The following CHRM5 variants were observed in gnomAD, a reference collection of about 807,000 sequenced individuals.
The protein encoded by CHRM5 is muscarinic acetylcholine receptor M5.
In CHRM5, 18 loss-of-function variants were observed where a neutral mutation model predicts 39.0. The ratio of observed to expected loss-of-function variants is 0.46; its 90% CI spans 0.32 to 0.68. The LOEUF (loss-of-function observed/expected upper bound fraction) is 0.68. Ranked by LOEUF, CHRM5 falls within the 30% of genes least tolerant of loss-of-function variation. The probability of loss-of-function intolerance (pLI) is 0.04; values close to 1 mark genes in which losing one functional copy is unlikely to be tolerated. For synonymous variants in CHRM5, 241 were observed against 246.3 expected, an observed-to-expected ratio of 0.98 and a Z score of 0.20; for missense variants, 515 against 651.1, an observed-to-expected ratio of 0.79 and a Z score of 2.28.
chr15:33,982,594 T>G (rs1026318336), intron 1 of CHRM5, among the ~76,000 whole-genome samples: 2 of 152,176 alleles, frequency 1.3e-5, no homozygotes, highest in African/African-American at 4.8e-5. Flanking sequence ...TTTACAATTT[T>G]TTTTAAATGC....
chr15:34,054,415 CAT>C (rs1900052034), intron 2 of CHRM5, among the ~76,000 whole-genome samples: 1 of 152,074 alleles, frequency 6.6e-6, no homozygotes, highest in African/African-American at 2.4e-5. Flanking sequence ...ATAGCAAAGA[CAT>C]AGAATCAATC....
chr15:33,973,849 T>C (rs1895754036), intron 1 of CHRM5, among the ~76,000 whole-genome samples: 2 of 152,200 alleles, frequency 1.3e-5, no homozygotes, highest in African/African-American at 2.4e-5. Context: ...GTTAAATGAA[T>C]GTGAAAATGT....
chr15:33,983,666 A>T (rs922846505), intron 1 of CHRM5, among the ~76,000 whole-genome samples: 20 of 152,118 alleles, frequency 1.3e-4, no homozygotes, highest in African/African-American at 4.8e-4. Flanking sequence ...CCATGGATGA[A>T]GCTTACTCGC....
In CHRM5 at chr15:34,014,727, A is replaced by G. The variant is rs1323325171; in HGVS notation, c.-407-31813A>G. Among the ~76,000 whole-genome samples the G allele has an allele frequency of 2.6e-4, 40 of 152,154 alleles. 1 individual carries two copies. Among genetic ancestry groups the G allele is most frequent in the Admixed American group, 2.2e-3 (34 of 15,284 alleles). On this transcript the variant is annotated intron_variant, in intron 1 of 2. Transcript: ENST00000383263. ...GCGGGCCCATCTGGGAACAGCGGCT[A>G]AATATGTTGGGTCTACTCCAACAGC... is the stretch of plus-strand genomic sequence containing the variant.
At chr15:33,988,592 G>A (rs556767332) in intron 1 of CHRM5, among the ~76,000 whole-genome samples, 4 of 152,292 alleles carry the variant, frequency 2.6e-5, no homozygotes, top group African/African-American at 9.6e-5. Context: ...ACCTGTGGTT[G>A]CAGGGTCACT....
chr15:33,995,337 A>G (rs1370582812), intron 1 of CHRM5, among the ~76,000 whole-genome samples: 3 of 152,248 alleles, frequency 2.0e-5, no homozygotes, highest in African/African-American at 7.2e-5. Context: ...AAAAAATAAT[A>G]CAGTATAACT....
intron 1 of CHRM5, among the ~76,000 whole-genome samples, chr15:34,043,321 GA>G (rs1200039229): frequency 6.6e-6 from 1 of 151,860 alleles, no homozygotes; most frequent in Non-Finnish European, 1.5e-5. Flanking sequence ...ATAGGACTTA[GA>G]AAAAAATGCA....
At chr15:34,054,894 C>T (rs746388850) in intron 2 of CHRM5, among the ~76,000 whole-genome samples, 11 of 151,772 alleles carry the variant, frequency 7.2e-5, no homozygotes, top group Admixed American at 1.3e-4. Context: ...AATTTTAAAA[C>T]ATCTTAAAAG....
Position 34,038,768 on chromosome 15 carries a change from G to A in CHRM5, c.-407-7772G>A, listed in dbSNP as rs1433756811. 4 of 1,166,862 alleles carry A rather than the reference G, an allele frequency of 3.4e-6. No homozygotes were observed. The Admixed American group carries it at 1.4e-4, about 41-fold the overall frequency. The allele number at this position is 1,166,862 out of a possible 1,614,324, so 72.3% of individuals were successfully genotyped here. On this transcript the variant is annotated intron_variant, in intron 1 of 2. Transcript: ENST00000383263. ...ACACGCGGTCCCAGCCCCACCAGCC[G>A]TCGCCTCTTACCGGCGCGCTGGCCC... is the stretch of plus-strand genomic sequence containing the variant.
intron 1 of CHRM5, among the ~76,000 whole-genome samples, chr15:33,994,419 A>C (rs1233951999): frequency 6.6e-6 from 1 of 152,208 alleles, no homozygotes; most frequent in Non-Finnish European, 1.5e-5. Context: ...GAGTTGTATA[A>C]TTATTTCACT....
chr15:34,032,633 G>C (rs1898910392), intron 1 of CHRM5, among the ~76,000 whole-genome samples: 1 of 146,200 alleles, frequency 6.8e-6, no homozygotes, highest in Admixed American at 6.7e-5. Flanking sequence ...TAGGGGTTCA[G>C]AAAGATTTTC....
Position 34,063,070 on chromosome 15 carries a change from T to G in CHRM5, c.353T>G (p.Val118Gly). ...ALDYVASNAS[V>G]MNLLVISFDR... ...GACTACGTGGCCAGCAACGCTTCTGTCATGAACCTTCTGGTGATCAGTTTT... is the reference window on the plus strand; with the variant it reads ...GACTACGTGGCCAGCAACGCTTCTGGCATGAACCTTCTGGTGATCAGTTTT... Residue 118 changes from valine (V) to glycine (G), a missense_variant, in exon 3 of 3, where the codon GTC (valine) becomes GGC (glycine). Val to Gly is a moderately radical substitution (Grantham distance 109, BLOSUM62 -3). Transcript: ENST00000383263. The surrounding 1 kb of genome is among the most constrained non-coding windows in gnomAD (Gnocchi z 4.1). 1 of 1,614,172 alleles carries G rather than the reference T, an allele frequency of 6.2e-7. No homozygotes were observed. The highest frequency in any genetic ancestry group is 8.5e-7 in the Non-Finnish European group (1 of 1,180,040).
chr15:34,022,475 G>C (rs904546511), intron 1 of CHRM5, among the ~76,000 whole-genome samples: 1 of 152,142 alleles, frequency 6.6e-6, no homozygotes, highest in Non-Finnish European at 1.5e-5. Context: ...TTGTATTAGA[G>C]AAAGGTGGAT....
At chr15:34,038,659 C>CCGG in intron 1 of CHRM5, 1 of 975,610 alleles carries the variant, frequency 1.0e-6, no homozygotes, top group Non-Finnish European at 1.3e-6. Context: ...CGCGCAGGCG[C>CCGG]CGGCGCCGCC....
intron 1 of CHRM5, among the ~76,000 whole-genome samples, chr15:33,998,754 A>C (rs1897030452): frequency 1.3e-5 from 2 of 152,070 alleles, no homozygotes; most frequent in African/African-American, 4.8e-5. Flanking sequence ...AAAACACTTA[A>C]AGACACTACA....
In CHRM5 at chr15:34,062,975, C is replaced by G; in HGVS notation, c.258C>G (p.Leu86=). ...DLIIGIFSMN[L]YTTYILMGRW... ...TCATTGGAATCTTCTCCATGAACCT[C>G]TACACCACCTACATCCTCATGGGAC... The change falls in exon 3 of 3, where the codon CTC becomes CTG. Residue 86 remains leucine, a synonymous_variant. Coordinates refer to ENST00000383263, the MANE Select transcript of CHRM5 (RefSeq NM_012125.4). The G allele has an allele frequency of 1.9e-6, 3 of 1,614,212 alleles. No individual in the cohort carries two copies. Among genetic ancestry groups the G allele is most frequent in the Non-Finnish European group, 2.5e-6 (3 of 1,180,030 alleles).
At chr15:34,025,309 G>A (rs1898407583) in intron 1 of CHRM5, among the ~76,000 whole-genome samples, 2 of 152,156 alleles carry the variant, frequency 1.3e-5, no homozygotes, top group African/African-American at 4.8e-5. Context: ...GGTAGAAAAG[G>A]AATTTACTAA....
intron 1 of CHRM5, among the ~76,000 whole-genome samples, chr15:34,025,094 C>A (rs907369437): frequency 6.6e-6 from 1 of 151,740 alleles, no homozygotes; most frequent in Non-Finnish European, 1.5e-5. Context: ...CGTTTGAGCC[C>A]GGGAGGCAGA....
chr15:33,994,412 T>C (rs1392017272), intron 1 of CHRM5, among the ~76,000 whole-genome samples: 2 of 152,134 alleles, frequency 1.3e-5, no homozygotes, highest in Non-Finnish European at 2.9e-5. Context: ...TTATGGTGAG[T>C]TGTATAATTA....
Sources: allele counts gnomAD v4.1 joint callset (sites outside exome capture counted in the v4.1 genomes callset), GRCh38; gene constraint gnomAD v4.1.1; non-coding constraint Gnocchi (gnomAD v3.1); transcripts MANE v1.5; gene names NCBI Gene and HGNC (gene_info 2026-07-23, HGNC 2026-07-21).